SENP2: variants seen among roughly 807,000 people sequenced by gnomAD.
SENP2 encodes the protein sentrin-specific protease 2.
In SENP2, 16 loss-of-function variants were observed where a neutral mutation model predicts 86.3. That is an observed-to-expected ratio of 0.19 (90% confidence interval 0.13 to 0.28). SENP2 has a LOEUF of 0.28. Ranked by LOEUF, SENP2 falls within the 10% of genes least tolerant of loss-of-function variation. SENP2 has a pLI of 1.00. For missense variants in SENP2, 552 were observed against 703.0 expected, an observed-to-expected ratio of 0.79 and a Z score of 2.43; for synonymous variants, 222 against 238.7, an observed-to-expected ratio of 0.93 and a Z score of 0.64.
chr3:185,595,548 CTGGAGCACTGCTTAAA>C (rs1722148638), intron 2 of SENP2, among the ~76,000 whole-genome samples: 1 of 152,154 alleles, frequency 6.6e-6, no homozygotes, highest in Admixed American at 6.6e-5. Context: ...TTTACATGTT[CTGGAGCACTGCTTAAA>C]AGCTACCATT....
intron 2 of SENP2, among the ~76,000 whole-genome samples, chr3:185,595,150 G>A (rs1722135366): frequency 6.6e-6 from 1 of 152,120 alleles, no homozygotes; most frequent in Non-Finnish European, 1.5e-5. Flanking sequence ...AAAAATCAGT[G>A]AGATCTTTTG....
intron 7 of SENP2, 25 bp from the exon 8 acceptor site, chr3:185,611,626 C>T (rs780539195): frequency 9.2e-6 from 14 of 1,525,896 alleles, no homozygotes; most frequent in Non-Finnish European, 1.2e-5. Flanking sequence ...TGTATCTGAT[C>T]TCCCTCACTT....
At chr3:185,587,050 C>T (rs2148977784) in intron 1 of SENP2, among the ~76,000 whole-genome samples, 1 of 152,280 alleles carries the variant, frequency 6.6e-6, no homozygotes. Context: ...GCTTAGGTGC[C>T]TCACTCCTTT....
chr3:185,613,450 T>G (rs375987673), intron 10 of SENP2, 42 bp downstream of exon 10: 110 of 1,222,126 alleles, frequency 9.0e-5, no homozygotes, highest in Non-Finnish European at 1.3e-4. Context: ...TGTTTACTTA[T>G]GTAACTTATG....
intron 12 of SENP2, among the ~76,000 whole-genome samples, chr3:185,617,889 G>A (rs76195891): frequency 2.3e-3 from 347 of 152,262 alleles, no homozygotes; most frequent in African/African-American, 7.9e-3. Flanking sequence ...GGAGGAAGCA[G>A]CAAGTGATAC....
chr3:185,607,316 ATTC>A (rs1722548629), intron 6 of SENP2, among the ~76,000 whole-genome samples: 4 of 95,736 alleles, frequency 4.2e-5, no homozygotes, highest in Non-Finnish European at 2.2e-5. Flanking sequence ...ATAAGATTAG[ATTC>A]TTTTTTTTTT....
chr3:185,619,118 C>T (rs1255135646), intron 12 of SENP2, among the ~76,000 whole-genome samples, 181 bp from the exon 13 acceptor site: 1 of 152,152 alleles, frequency 6.6e-6, no homozygotes, highest in Non-Finnish European at 1.5e-5. Context: ...AGTACAGTTT[C>T]ATTTCATTTT....
chr3:185,621,377 CTTT>C (rs1169849063), intron 13 of SENP2, among the ~76,000 whole-genome samples: 1 of 106,452 alleles, frequency 9.4e-6, no homozygotes, highest in Non-Finnish European at 2.0e-5. Context: ...TATCGTTTTT[CTTT>C]TTTTTCTTTT....
Position 185,624,043 on chromosome 3 carries a change from G to C in SENP2, c.1572G>C (p.Leu524=). Residue 524 remains leucine (L), a synonymous_variant, in exon 15 of 17, where the codon CTG becomes CTC. Coordinates refer to ENST00000296257, the MANE Select transcript of SENP2 (RefSeq NM_021627.3). ...GTAAGACCAAAAGAAATAGTGATCT[G>C]AATCTTTTAGAGTGGACCCATCACA... ...DESKTKRNSD[L]NLLEWTHHSM... 6.2e-7 allele frequency: 1 copy of C among 1,612,910 alleles called. No individual in the cohort carries two copies.
In SENP2 at chr3:185,586,420, A is replaced by G; in HGVS notation, c.7A>G (p.Arg3Gly). The change falls in exon 1 of 17, where the codon AGA becomes GGA. Residue 3 changes from arginine to glycine, a missense_variant. Physicochemically the swap from Arg to Gly is moderately radical, Grantham distance 125. Around this residue, in one of 2 missense-constraint regions of SENP2, gnomAD observed 383 missense variants for 427.3 expected, o/e 0.90. Transcript: ENST00000296257. The surrounding 1 kb of genome is among the most constrained non-coding windows in gnomAD (Gnocchi z 4.3). MY[R>G]WLVRILGTIF... ...GCTGCTGCTTGGGCCTGGTATGTAC[A>G]GATGGCTGGTTAGGATTCTCGGCAC... 1 of 1,614,046 alleles carries G rather than the reference A, an allele frequency of 6.2e-7. No homozygotes were observed. Among genetic ancestry groups the G allele is most frequent in the Non-Finnish European group, 8.5e-7 (1 of 1,180,002 alleles).
chr3:185,613,432 T>G (rs764630547), intron 10 of SENP2, 24 bp downstream of exon 10: 1 of 1,399,040 alleles, frequency 7.1e-7, no homozygotes, highest in South Asian at 1.2e-5. Flanking sequence ...CTAGTTACAT[T>G]TGATACCTGT....
At position 185,626,542 on chromosome 3, in the gene SENP2, G is replaced by A. The variant is rs1712154093; in HGVS notation, c.1707+149G>A. ...AATCCCAGCACTTTGGGAGGCCGAGGCGGGTGGACCACCTGAGGTCAGGAG... is the reference window on the plus strand; with the variant it reads ...AATCCCAGCACTTTGGGAGGCCGAGACGGGTGGACCACCTGAGGTCAGGAG... On this transcript the variant is annotated intron_variant, in intron 16 of 16. Coordinates refer to ENST00000296257, the MANE Select transcript of SENP2 (RefSeq NM_021627.3). 7.5e-6 allele frequency: 4 copies of A among 535,926 alleles called. No homozygotes were observed. In the South Asian group the frequency reaches 1.1e-4, roughly 14 times the overall value. 33.2% of individuals were successfully genotyped at this position (535,926 alleles called of 1,614,324 possible). A position where few individuals can be genotyped will look rare whatever the true frequency, so the allele number is the denominator to read the frequency against.
chr3:185,629,092 GTTTT>G (rs1306421835), intron 16 of SENP2, among the ~76,000 whole-genome samples: 1 of 152,050 alleles, frequency 6.6e-6, no homozygotes, highest in Non-Finnish European at 1.5e-5. Flanking sequence ...AGATTTTGTT[GTTTT>G]TTATTTAAAT....
rs778866844 is a variant in SENP2 at position 185,586,548 on chromosome 3, CT to C, written c.101+36del. ...AGAGGGGGCTGAGCGCCAGCCTGGCCTTACCCCCTCCCCCACAGCGGGCTCC... is the reference window on the plus strand; with the variant it reads ...AGAGGGGGCTGAGCGCCAGCCTGGCCTACCCCCTCCCCCACAGCGGGCTCC... On this transcript the variant is annotated intron_variant, in intron 1 of 16. Transcript: ENST00000296257. The surrounding 1 kb of genome is among the most constrained non-coding windows in gnomAD (Gnocchi z 4.3). 228 of 1,580,006 alleles carry C rather than the reference CT, an allele frequency of 1.4e-4. 1 individual carries two copies. The highest frequency in any genetic ancestry group is 3.4e-4 in the Middle Eastern group (2 of 5,940).
intron 1 of SENP2, among the ~76,000 whole-genome samples, chr3:185,587,692 C>A (rs6776312): frequency 0.36 from 52,060 of 142,758 alleles, 9,606 homozygotes; most frequent in South Asian, 0.54. Flanking sequence ...TCAGCCTCCC[C>A]AGTAGCTGGG....
intron 8 of SENP2, 184 bp from the exon 9 acceptor site, chr3:185,612,423 C>G: frequency 1.9e-6 from 1 of 520,224 alleles, no homozygotes; most frequent in Non-Finnish European, 3.5e-6. Context: ...ATTTAAACAG[C>G]AAAGATATGT....
At position 185,586,308 on chromosome 3, in the gene SENP2, C is replaced by T. The variant is rs1721777281; in HGVS notation, c.-106C>T. On this transcript the variant is annotated 5_prime_UTR_variant, in exon 1 of 17. Transcript: ENST00000296257. The surrounding 1 kb of genome is among the most constrained non-coding windows in gnomAD (Gnocchi z 4.3). Reference sequence around the variant, plus strand: ...TTGAATCGCGTCACAAATCAGCGACCGAACTCTGGCGGTGGTGGTTAAGAC... The same window carrying T: ...TTGAATCGCGTCACAAATCAGCGACTGAACTCTGGCGGTGGTGGTTAAGAC... 6.4e-7 allele frequency: 1 copy of T among 1,568,976 alleles called. No homozygotes were observed. Among genetic ancestry groups the T allele is most frequent in the East Asian group, 2.3e-5 (1 of 44,320 alleles).
At chr3:185,597,455 C>T (rs111572037) in intron 2 of SENP2, among the ~76,000 whole-genome samples, 22,613 of 151,938 alleles carry the variant, frequency 0.15, 1,984 homozygotes, top group Middle Eastern at 0.25. Flanking sequence ...CAGGTTCCAG[C>T]GATTCTCCTG....
At chr3:185,619,243 T>C in intron 12 of SENP2, 56 bp from the exon 13 acceptor site, 1 of 1,251,128 alleles carries the variant, frequency 8.0e-7, no homozygotes, top group Admixed American at 1.7e-5. Context: ...GGTAGAAATT[T>C]AGTTTTGATA....
Sources: gnomAD v4.1 joint callset for allele counts (sites outside exome capture counted in the v4.1 genomes callset) on GRCh38, gnomAD v4.1.1 for gene constraint, gnomAD v4.1.1 regional missense constraint, Gnocchi (gnomAD v3.1) non-coding constraint, MANE v1.5 for transcripts, NCBI Gene and HGNC (gene_info 2026-07-23, HGNC 2026-07-21) for gene names.